The following MACROD2 variants were observed in gnomAD, a reference collection of about 807,000 sequenced individuals.
MACROD2 encodes ADP-ribose glycohydrolase MACROD2.
A neutral mutation model predicts 70.4 loss-of-function variants in MACROD2; 36 were observed. That is an observed-to-expected ratio of 0.51 (90% CI 0.39 to 0.68). MACROD2 has a LOEUF of 0.68. MACROD2 is among the 30% of genes least tolerant of loss of function. MACROD2 has a pLI of 0.00. For synonymous variants in MACROD2, 172 were observed against 178.8 expected (o/e 0.96, Z 0.30); for missense variants, 496 against 538.4 (o/e 0.92, Z 0.78).
intron 5 of MACROD2, among the ~76,000 whole-genome samples, chr20:14,786,765 T>A (rs1182720262): frequency 6.6e-6 from 1 of 152,058 alleles, no homozygotes; most frequent in African/African-American, 2.4e-5. Flanking sequence ...CTTCAGAATC[T>A]CCAATCTAGA....
chr20:15,698,506 TTC>T (rs2050409104), intron 8 of MACROD2, among the ~76,000 whole-genome samples: 1 of 152,218 alleles, frequency 6.6e-6, no homozygotes, highest in African/African-American at 2.4e-5. Flanking sequence ...GCTCTTAAAA[TTC>T]TTTCCTTCGT....
intron 7 of MACROD2, among the ~76,000 whole-genome samples, chr20:15,472,345 C>G (rs1374066025): frequency 6.6e-6 from 1 of 152,086 alleles, no homozygotes; most frequent in African/African-American, 2.4e-5. Context: ...TTTTGTCTCT[C>G]TTTACTCTTT....
chr20:15,574,332 T>C (rs1024864944), intron 8 of MACROD2, among the ~76,000 whole-genome samples: 1 of 152,160 alleles, frequency 6.6e-6, no homozygotes, highest in Non-Finnish European at 1.5e-5. Flanking sequence ...TCTGAAATCA[T>C]CTAGAGTTTG....
intron 8 of MACROD2, among the ~76,000 whole-genome samples, chr20:15,539,480 A>G (rs2047925115): frequency 6.6e-6 from 1 of 152,186 alleles, no homozygotes; most frequent in Non-Finnish European, 1.5e-5. Flanking sequence ...TGTCTATTCC[A>G]GCAATTGCTT....
intron 5 of MACROD2, among the ~76,000 whole-genome samples, chr20:15,080,946 G>A (rs770922885): frequency 4.6e-5 from 7 of 151,728 alleles, no homozygotes; most frequent in Non-Finnish European, 1.0e-4. Context: ...TCCACTCCAC[G>A]AGTAAATCTT....
chr20:14,707,996 T>C (rs927701868), intron 5 of MACROD2, among the ~76,000 whole-genome samples: 1 of 152,178 alleles, frequency 6.6e-6, no homozygotes, highest in African/African-American at 2.4e-5. Context: ...ACCTGGCCTT[T>C]ACATCAAACA....
intron 5 of MACROD2, among the ~76,000 whole-genome samples, chr20:15,009,137 C>T (rs1000691392): frequency 6.6e-6 from 1 of 152,094 alleles, no homozygotes; most frequent in Non-Finnish European, 1.5e-5. Flanking sequence ...CAGGAAAAAG[C>T]CAGCAAATGT....
At chr20:15,410,248 T>C (rs1314966262) in intron 6 of MACROD2, among the ~76,000 whole-genome samples, 4 of 152,202 alleles carry the variant, frequency 2.6e-5, no homozygotes, top group Non-Finnish European at 5.9e-5. Flanking sequence ...CCAGAACTGT[T>C]GTACAGTTAG....
At chr20:15,243,524 T>TACAC (rs921508841) in intron 6 of MACROD2, among the ~76,000 whole-genome samples, 1 of 151,568 alleles carries the variant, frequency 6.6e-6, no homozygotes, top group East Asian at 1.9e-4. Context: ...CACACACACA[T>TACAC]ACACACACAC....
At chr20:15,090,580 G>A (rs528708694) in intron 5 of MACROD2, among the ~76,000 whole-genome samples, 11 of 152,122 alleles carry the variant, frequency 7.2e-5, no homozygotes, top group African/African-American at 2.2e-4. Context: ...GTCCCTCTGG[G>A]GGAAGAAGAA....
intron 15 of MACROD2, among the ~76,000 whole-genome samples, chr20:16,017,621 C>T (rs1363910228): frequency 6.6e-6 from 1 of 152,206 alleles, no homozygotes; most frequent in Admixed American, 6.5e-5. Flanking sequence ...CTTTTCACCT[C>T]CTTGAATAAG....
intron 3 of MACROD2, among the ~76,000 whole-genome samples, chr20:14,313,432 CTTTT>C (rs11478631): frequency 1.6e-4 from 21 of 133,030 alleles, no homozygotes; most frequent in Admixed American, 1.5e-4. Flanking sequence ...TTTCCCCCTC[CTTTT>C]TTTTTTTTTT....
intron 5 of MACROD2, among the ~76,000 whole-genome samples, chr20:15,199,365 A>AAAAAAC (rs1456262604): frequency 3.3e-5 from 5 of 152,162 alleles, no homozygotes; most frequent in Non-Finnish European, 7.4e-5. Flanking sequence ...TCAAAAAAAC[A>AAAAAAC]AAAAACAAAC....
intron 8 of MACROD2, among the ~76,000 whole-genome samples, chr20:15,823,676 A>C (rs983793577): frequency 2.0e-5 from 3 of 152,220 alleles, no homozygotes; most frequent in African/African-American, 7.2e-5. Flanking sequence ...TTGCATCTTC[A>C]GTAACACTGC....
chr20:14,483,960 G>A (rs2084691711), intron 3 of MACROD2, among the ~76,000 whole-genome samples: 2 of 152,094 alleles, frequency 1.3e-5, no homozygotes. Context: ...TTATATATTT[G>A]ATATCTGTCA....
Position 14,793,352 on chromosome 20 carries a change from C to T in MACROD2, c.418+108393C>T, listed in dbSNP as rs931173101. Reference sequence around the variant, plus strand: ...CGGACTGTGTCCTCAAAGGAGTGTACATTTTGTTGGTGTAATTTATGAGAT... The same window carrying T: ...CGGACTGTGTCCTCAAAGGAGTGTATATTTTGTTGGTGTAATTTATGAGAT... On this transcript the variant is annotated intron_variant, in intron 5 of 17. Transcript: ENST00000684519. 1.6e-4 allele frequency among the ~76,000 whole-genome samples: 24 copies of T among 152,114 alleles called. No homozygotes were observed. In the East Asian group the frequency reaches 4.4e-3, roughly 28 times the overall value.
intron 6 of MACROD2, among the ~76,000 whole-genome samples, chr20:15,343,143 G>A (rs575510197): frequency 6.6e-6 from 1 of 152,296 alleles, no homozygotes; most frequent in Admixed American, 6.6e-5. Context: ...CTCCGGATCA[G>A]CCAGGCCTTC....
chr20:15,314,513 T>C (rs1199907262), intron 6 of MACROD2, among the ~76,000 whole-genome samples: 1 of 152,192 alleles, frequency 6.6e-6, no homozygotes, highest in African/African-American at 2.4e-5. Context: ...CCCGGCTTGG[T>C]AGAATTTTTG....
intron 7 of MACROD2, among the ~76,000 whole-genome samples, chr20:15,432,641 T>A (rs1415851073): frequency 6.6e-6 from 1 of 152,048 alleles, no homozygotes; most frequent in African/African-American, 2.4e-5. Flanking sequence ...TTATGTAGAG[T>A]CAAACCAAAC....
Sources: allele counts gnomAD v4.1 joint callset (sites outside exome capture counted in the v4.1 genomes callset), GRCh38; gene constraint gnomAD v4.1.1; transcripts MANE v1.5; gene names NCBI Gene and HGNC (gene_info 2026-07-23, HGNC 2026-07-21).